The following TRMT2A variants were observed in gnomAD, a reference collection of about 807,000 sequenced individuals.
TRMT2A encodes tRNA (uracil-5-)-methyltransferase homolog A.
A neutral mutation model predicts 59.3 loss-of-function variants in TRMT2A; 60 were observed. That is an observed-to-expected ratio of 1.01 (90% CI 0.82 to 1.26). The LOEUF (loss-of-function observed/expected upper bound fraction) is 1.26, where lower values mean the gene tolerates loss of function less well. Ranked by LOEUF, TRMT2A falls within the 50% of genes most tolerant of loss-of-function variation. The pLI is 0.00. For missense variants in TRMT2A, 863 were observed against 845.2 expected, an observed-to-expected ratio of 1.02 and a Z score of -0.26; for synonymous variants, 403 against 353.7, an observed-to-expected ratio of 1.14 and a Z score of -1.56.
chr22:20,112,637 TG>T lies in TRMT2A; in HGVS notation c.1803del (p.His601GlnfsTer36), dbSNP rs780911969. On this transcript the variant is annotated frameshift_variant, in exon 12 of 12. Coordinates refer to ENST00000252136, the MANE Select transcript of TRMT2A (RefSeq NM_022727.6). LOFTEE classifies it low-confidence loss of function (END_TRUNC). ...HPNGTGVLGP[H>X]SPPAQPTPGP... ...CCTGGTGTGGGTTGAGCTGGAGGGC[TG>T]TGGGGCCCCAAGACCCCTGTGCCAT... 1 of 1,614,100 alleles carries T rather than the reference TG, an allele frequency of 6.2e-7. No homozygotes were observed. The highest frequency in any genetic ancestry group is 8.5e-7 in the Non-Finnish European group (1 of 1,180,018).
At position 20,117,110 on chromosome 22, in the gene TRMT2A, G is replaced by T. The variant is rs2050051360; in HGVS notation, c.-204C>A. Reference sequence around the variant, plus strand: ...CGGGACTCGAACCTGCGATGCTCAGGTCCGGGTCTCAGGCTTGGGGCTGTA... The same window carrying T: ...CGGGACTCGAACCTGCGATGCTCAGTTCCGGGTCTCAGGCTTGGGGCTGTA... On this transcript the variant is annotated 5_prime_UTR_variant, in exon 1 of 12. Coordinates refer to ENST00000252136, the MANE Select transcript of TRMT2A (RefSeq NM_022727.6). The T allele has an allele frequency of 1.5e-6, 1 of 687,044 alleles. No individual in the cohort carries two copies. Among genetic ancestry groups the T allele is most frequent in the South Asian group, 1.9e-5 (1 of 51,524 alleles). 42.6% of individuals were successfully genotyped at this position (687,044 alleles called of 1,614,324 possible). A position where few individuals can be genotyped will look rare whatever the true frequency, so the allele number is the denominator to read the frequency against.
Position 20,112,522 on chromosome 22 carries a change from TG to T in TRMT2A, c.*40del. On this transcript the variant is annotated 3_prime_UTR_variant, in exon 12 of 12. Coordinates refer to ENST00000252136, the MANE Select transcript of TRMT2A (RefSeq NM_022727.6). ...CATGCCTTCCCCGCCCCTGGGGCCCTGGGAGCCCTTCAGCTCCTGTCCCCAT... is the reference window on the plus strand; with the variant it reads ...CATGCCTTCCCCGCCCCTGGGGCCCTGGAGCCCTTCAGCTCCTGTCCCCAT... 1.3e-6 allele frequency: 2 copies of T among 1,591,008 alleles called. No homozygotes were observed. Among genetic ancestry groups the T allele is most frequent in the Non-Finnish European group, 8.6e-7 (1 of 1,166,208 alleles).
intron 7 of TRMT2A, 82 bp from the exon 8 acceptor site, chr22:20,113,890 C>T (rs2049925759): frequency 6.9e-7 from 1 of 1,454,886 alleles, no homozygotes; most frequent in Non-Finnish European, 9.0e-7. Context: ...TTCCTGGTCC[C>T]TCCATCCTGC....
chr22:20,112,673 C>A lies in TRMT2A; in HGVS notation c.1768G>T (p.Glu590Ter). Residue 590 changes from glutamate to a stop codon, truncating the protein, a stop_gained, in exon 12 of 12, where the codon GAG becomes TAG. Coordinates refer to ENST00000252136, the MANE Select transcript of TRMT2A (RefSeq NM_022727.6). LOFTEE classifies it low-confidence loss of function (END_TRUNC). ...CEMLILFERV[E>*]HPNGTGVLGP... is the part of the protein sequence containing the mutation. ...AAGACCCCTGTGCCATTGGGGTGCTCCACCCTCTCAAACAGGATGAGCATC... is the reference window on the plus strand; with the variant it reads ...AAGACCCCTGTGCCATTGGGGTGCTACACCCTCTCAAACAGGATGAGCATC... 1 of 1,614,048 alleles carries A rather than the reference C, an allele frequency of 6.2e-7. No homozygotes were observed. Among genetic ancestry groups the A allele is most frequent in the Non-Finnish European group, 8.5e-7 (1 of 1,180,018 alleles).
chr22:20,112,871 A>G, intron 11 of TRMT2A, 40 bp downstream of exon 11: 1 of 1,612,516 alleles, frequency 6.2e-7, no homozygotes, highest in Middle Eastern at 1.7e-4. Flanking sequence ...GGGGCTTGGT[A>G]GCAGGCCTAG....
chr22:20,112,678 C>T lies in TRMT2A; in HGVS notation c.1763G>A (p.Arg588Lys), dbSNP rs753466337. The change falls in exon 12 of 12, where the codon AGG (arginine) becomes AAG (lysine). Residue 588 changes from arginine (R) to lysine (K), a missense_variant. Coordinates refer to ENST00000252136, the MANE Select transcript of TRMT2A (RefSeq NM_022727.6). Reference protein sequence around the residue: ...PHCEMLILFERVEHPNGTGVL... With the variant: ...PHCEMLILFEKVEHPNGTGVL... ...CCCTGTGCCATTGGGGTGCTCCACC[C>T]TCTCAAACAGGATGAGCATCTCACA... is the stretch of plus-strand genomic sequence containing the variant. The T allele has an allele frequency of 1.2e-6, 2 of 1,614,092 alleles. No homozygotes were observed. The highest frequency in any genetic ancestry group is 8.5e-7 in the Non-Finnish European group (1 of 1,180,022).
At position 20,115,456 on chromosome 22, in the gene TRMT2A, A is replaced by G. The variant is rs763028661; in HGVS notation, c.709-9T>C. 1.2e-6 allele frequency: 2 copies of G among 1,600,734 alleles called. No individual in the cohort carries two copies. The highest frequency in any genetic ancestry group is 8.5e-7 in the Non-Finnish European group (1 of 1,173,008). On this transcript the variant is annotated splice_polypyrimidine_tract_variant and intron_variant, in intron 3 of 11. Coordinates refer to ENST00000252136, the MANE Select transcript of TRMT2A (RefSeq NM_022727.6). Reference sequence around the variant, plus strand: ...TTATTACGATACTCAGTCTGCAGGGAGAGAGAGCTGCACCTTACCCTGGCT... The same window carrying G: ...TTATTACGATACTCAGTCTGCAGGGGGAGAGAGCTGCACCTTACCCTGGCT...
At chr22:20,113,399 A>AAGCCCC in intron 9 of TRMT2A, 33 bp downstream of exon 9, 6 of 713,632 alleles carry the variant, frequency 8.4e-6, no homozygotes, top group Non-Finnish European at 1.4e-5. Flanking sequence ...GGCTGCCCCC[A>AAGCCCC]TCCCCACCCC....
intron 7 of TRMT2A, 112 bp downstream of exon 7, chr22:20,114,462 C>T: frequency 1.1e-6 from 1 of 895,492 alleles, no homozygotes; most frequent in South Asian, 1.4e-5. Flanking sequence ...GGCTCACCTG[C>T]CTGGATACTC....
In TRMT2A at chr22:20,114,667, C is replaced by T. The variant is rs202172827; in HGVS notation, c.1140G>A (p.Glu380=). ...CAGCCACATGCTCCAGGGGCAGGCCCTCCTGGCTAGGAGTCTTTCTGTGGG... is the reference window on the plus strand; with the variant it reads ...CAGCCACATGCTCCAGGGGCAGGCCTTCCTGGCTAGGAGTCTTTCTGTGGG... ...EEGQRKTPSQ[E]GLPLEHVAGD... The change falls in exon 7 of 12, where the codon GAG becomes GAA. Residue 380 remains glutamate (E), a synonymous_variant. Coordinates refer to ENST00000252136, the MANE Select transcript of TRMT2A (RefSeq NM_022727.6). 1.6e-5 allele frequency: 26 copies of T among 1,613,552 alleles called. No individual in the cohort carries two copies. Among genetic ancestry groups the T allele is most frequent in the Non-Finnish European group, 2.2e-5 (26 of 1,180,010 alleles).
chr22:20,116,012 G>A, intron 2 of TRMT2A, 26 bp downstream of exon 2: 4 of 1,533,282 alleles, frequency 2.6e-6, no homozygotes, highest in South Asian at 1.3e-5. Flanking sequence ...CCCTGGCCAA[G>A]AGGGGCGTCT....
chr22:20,114,844 C>T lies in TRMT2A; in HGVS notation c.1038G>A (p.Lys346=). 6.2e-7 allele frequency: 1 copy of T among 1,604,350 alleles called. No homozygotes were observed. Among genetic ancestry groups the T allele is most frequent in the East Asian group, 2.3e-5 (1 of 44,412 alleles). The part of the protein sequence containing the change: ...KLSPEELAEL[K]TSLAQHFTAG... ...CTGTGAAGTGCTGCGCTAGGGAGGT[C>T]TTCAGCTCTGCCAGCTCCTCAGGGC... Residue 346 remains lysine, a synonymous_variant, in exon 6 of 12, where the codon AAG becomes AAA. Coordinates refer to ENST00000252136, the MANE Select transcript of TRMT2A (RefSeq NM_022727.6).
intron 9 of TRMT2A, 32 bp downstream of exon 9, chr22:20,113,400 T>TGGCCCCC: frequency 1.1e-4 from 115 of 1,049,272 alleles, no homozygotes; most frequent in Non-Finnish European, 1.5e-4. Flanking sequence ...GCTGCCCCCA[T>TGGCCCCC]CCCCACCCCC....
rs199718994 is a variant in TRMT2A, at chr22:20,116,227, C to T, written c.410G>A (p.Arg137His). Reference sequence around the variant, plus strand: ...CCGGGCCAGGCGCACACTGAGTGGGCGGCCTTTCCAGAGGGCACCATGCAA... The same window carrying T: ...CCGGGCCAGGCGCACACTGAGTGGGTGGCCTTTCCAGAGGGCACCATGCAA... ...RVLHGALWKG[R>H]PLSVRLARPK... The change falls in exon 2 of 12, where the codon CGC (arginine) becomes CAC (histidine). Residue 137 changes from arginine to histidine, a missense_variant. By Grantham distance (29) the Arg-to-His change is conservative. Transcript: ENST00000252136. 2.7e-5 allele frequency: 43 copies of T among 1,612,950 alleles called. No homozygotes were observed. The highest frequency in any genetic ancestry group is 6.7e-5 in the East Asian group (3 of 44,878).
chr22:20,114,938 C>A, intron 5 of TRMT2A, 27 bp downstream of exon 5: 1 of 1,571,382 alleles, frequency 6.4e-7, no homozygotes, highest in Non-Finnish European at 8.6e-7. Context: ...GCTAGGCACC[C>A]TCCCCCAGCA....
In TRMT2A at chr22:20,115,423, A is replaced by G. The variant is rs1277089544; in HGVS notation, c.733T>C (p.Phe245Leu). 8.7e-6 allele frequency: 14 copies of G among 1,610,820 alleles called. No homozygotes were observed. Among genetic ancestry groups the G allele is most frequent in the Non-Finnish European group, 1.1e-5 (13 of 1,179,226 alleles). ...CCATCCACCCCGACGCCAACCAGAAACTCACACTTATTACGATACTCAGTC... is the reference window on the plus strand; with the variant it reads ...CCATCCACCCCGACGCCAACCAGAAGCTCACACTTATTACGATACTCAGTC... ...QQTEYRNKCE[F>L]LVGVGVDGED... Residue 245 changes from phenylalanine (F) to leucine (L), a missense_variant, in exon 4 of 12, where the codon TTT becomes CTT. Coordinates refer to ENST00000252136, the MANE Select transcript of TRMT2A (RefSeq NM_022727.6).
Position 20,112,728 on chromosome 22 carries a change from C to T in TRMT2A, c.1713G>A (p.Val571=), listed in dbSNP as rs766282924. ...AGTGCGGGGTCTGCGGGAACAGGTC[C>T]ACTGCCACAGCCTTGACCGGCCGGA... ...IPFRPVKAVA[V]DLFPQTPHCE... Residue 571 remains valine, a synonymous_variant, in exon 12 of 12, where the codon GTG becomes GTA. Transcript: ENST00000252136. 3 of 1,613,922 alleles carry T rather than the reference C, an allele frequency of 1.9e-6. No individual in the cohort carries two copies. Among genetic ancestry groups the T allele is most frequent in the South Asian group, 1.1e-5 (1 of 91,080 alleles).
Position 20,116,166 on chromosome 22 carries a change from C to T in TRMT2A, c.471G>A (p.Gln157=). ...TTACTGGTGGCTCACTCTCACCCTC[C>T]TGTCGCCTCCTCCTGGCCATGGGGT... The part of the protein sequence containing the change: ...KADPMARRRR[Q]EGESEPPVTR... Residue 157 remains glutamine, a synonymous_variant, in exon 2 of 12, where the codon CAG becomes CAA. Coordinates refer to ENST00000252136, the MANE Select transcript of TRMT2A (RefSeq NM_022727.6). The T allele has an allele frequency of 6.2e-7, 1 of 1,613,152 alleles. No homozygotes were observed. Among genetic ancestry groups the T allele is most frequent in the Non-Finnish European group, 8.5e-7 (1 of 1,179,948 alleles).
chr22:20,112,936 G>T lies in TRMT2A; in HGVS notation c.1621C>A (p.Arg541=). The change falls in exon 11 of 12, where the codon CGG becomes AGG. Residue 541 remains arginine, a synonymous_variant. Transcript: ENST00000252136. ...RRLLYVSCNP[R]AAMGNFVDLC... is the part of the protein sequence containing the mutation. ...TCCACAAAGTTGCCCATGGCTGCCCGGGGGTTGCATGAGACGTACAGCAGC... is the reference window on the plus strand; with the variant it reads ...TCCACAAAGTTGCCCATGGCTGCCCTGGGGTTGCATGAGACGTACAGCAGC... 1 of 1,613,784 alleles carries T rather than the reference G, an allele frequency of 6.2e-7. No homozygotes were observed. The highest frequency in any genetic ancestry group is 8.5e-7 in the Non-Finnish European group (1 of 1,179,994).
Sources: gnomAD v4.1 joint callset for allele counts on GRCh38, gnomAD v4.1.1 for gene constraint, MANE v1.5 for transcripts, NCBI Gene and HGNC (gene_info 2026-07-23, HGNC 2026-07-21) for gene names.